Variants in NKAIN3 observed in about 807,000 individuals in gnomAD.
The protein encoded by NKAIN3 is sodium/potassium-transporting ATPase subunit beta-1-interacting protein 3.
In NKAIN3, 25 loss-of-function variants were observed where a neutral mutation model predicts 30.2. The ratio of observed to expected loss-of-function variants is 0.83; its 90% confidence interval spans 0.60 to 1.16. NKAIN3 has a LOEUF of 1.16. Ranked by LOEUF, NKAIN3 falls within the 50% of genes most tolerant of loss-of-function variation. The pLI is 0.00. For missense variants in NKAIN3, 225 were observed against 254.1 expected, an observed-to-expected ratio of 0.89 and a Z score of 0.78; for synonymous variants, 91 against 89.6, an observed-to-expected ratio of 1.02 and a Z score of -0.09.
chr8:62,526,306 C>G (rs1808303355), intron 1 of NKAIN3, among the ~76,000 whole-genome samples: 1 of 152,088 alleles, frequency 6.6e-6, no homozygotes, highest in Non-Finnish European at 1.5e-5. Flanking sequence ...AAAACCAGTT[C>G]AGCTGAAAGA....
At chr8:62,940,908 A>G (rs1822937769) in intron 5 of NKAIN3, among the ~76,000 whole-genome samples, 2 of 151,916 alleles carry the variant, frequency 1.3e-5, no homozygotes, top group African/African-American at 2.4e-5. Flanking sequence ...AGAAATAACA[A>G]TGATCAGAGC....
At chr8:62,836,297 C>T (rs566216462) in intron 4 of NKAIN3, among the ~76,000 whole-genome samples, 1 of 152,112 alleles carries the variant, frequency 6.6e-6, no homozygotes, top group Admixed American at 6.6e-5. Flanking sequence ...TTCAACAAAC[C>T]TGCACATATA....
intron 1 of NKAIN3, among the ~76,000 whole-genome samples, chr8:62,568,383 T>C (rs1809821908): frequency 6.6e-6 from 1 of 152,210 alleles, no homozygotes; most frequent in Admixed American, 6.5e-5. Flanking sequence ...AATATTGTCA[T>C]ATACATAGTA....
At chr8:62,518,389 C>A (rs1177526242) in intron 1 of NKAIN3, among the ~76,000 whole-genome samples, 2 of 152,006 alleles carry the variant, frequency 1.3e-5, no homozygotes, top group East Asian at 3.9e-4. Context: ...CCAGTTGATT[C>A]CATCAATCAT....
chr8:62,640,380 G>A (rs1383202912), intron 3 of NKAIN3, among the ~76,000 whole-genome samples: 1 of 152,064 alleles, frequency 6.6e-6, no homozygotes, highest in African/African-American at 2.4e-5. Context: ...CTGCCGCCAT[G>A]TAAGACGTGT....
chr8:62,622,996 A>G lies in NKAIN3; in HGVS notation c.273+33202A>G, dbSNP rs144614919. Among the ~76,000 whole-genome samples the G allele has an allele frequency of 1.5e-3, 228 of 151,978 alleles. 1 individual carries two copies. Among genetic ancestry groups the G allele is most frequent in the African/African-American group, 5.2e-3 (218 of 41,550 alleles). On this transcript the variant is annotated intron_variant, in intron 3 of 6. Transcript: ENST00000623646. ...AAATTAATATGTTCACAAGGGAAGA[A>G]CGTTATGTGTGTGGTGTGTGTGTGA...
At chr8:62,825,518 A>G (rs529847599) in intron 4 of NKAIN3, among the ~76,000 whole-genome samples, 1 of 152,278 alleles carries the variant, frequency 6.6e-6, no homozygotes, top group Non-Finnish European at 1.5e-5. Context: ...AATGGCTTTG[A>G]CAATTTGTGT....
At chr8:62,460,053 G>A (rs959876483) in intron 1 of NKAIN3, among the ~76,000 whole-genome samples, 11 of 152,186 alleles carry the variant, frequency 7.2e-5, no homozygotes, top group African/African-American at 2.2e-4. Flanking sequence ...TTAAGAGAAT[G>A]TGGTGGGACG....
At chr8:62,631,687 C>T (rs1162324348) in intron 3 of NKAIN3, among the ~76,000 whole-genome samples, 1 of 152,154 alleles carries the variant, frequency 6.6e-6, no homozygotes, top group Admixed American at 6.6e-5. Context: ...TGTTCTTTCA[C>T]ATCTCCAGAA....
At chr8:62,410,454 T>C (rs1351148820) in intron 1 of NKAIN3, among the ~76,000 whole-genome samples, 2 of 152,160 alleles carry the variant, frequency 1.3e-5, no homozygotes, top group African/African-American at 4.8e-5. Flanking sequence ...TAATGATCTA[T>C]TTTCCTTTAT....
At position 62,433,268 on chromosome 8, in the gene NKAIN3, T is replaced by C. The variant is rs567883313; in HGVS notation, c.55-146271T>C. 5.3e-5 allele frequency among the ~76,000 whole-genome samples: 8 copies of C among 152,216 alleles called. No individual in the cohort carries two copies. The East Asian group carries it at 5.8e-4, about 11-fold the overall frequency. ...GAAGCATCAATTCTTACTAAGTTTA[T>C]TACCTCAAGTTATTATCAATCTTGT... is the stretch of plus-strand genomic sequence containing the variant. On this transcript the variant is annotated intron_variant, in intron 1 of 6. Coordinates refer to ENST00000623646, the MANE Select transcript of NKAIN3 (RefSeq NM_001304533.3).
chr8:62,884,869 T>C (rs775645344), intron 4 of NKAIN3, among the ~76,000 whole-genome samples: 19 of 152,168 alleles, frequency 1.2e-4, no homozygotes, highest in Admixed American at 2.6e-4. Context: ...TCCCTTTTTT[T>C]CTTAGCCTGG....
chr8:62,868,198 AC>A (rs1744272314), intron 4 of NKAIN3, among the ~76,000 whole-genome samples: 1 of 152,218 alleles, frequency 6.6e-6, no homozygotes. Context: ...AATTATGAAC[AC>A]TTGAGCTTTA....
chr8:62,832,258 G>GACAC lies in NKAIN3; in HGVS notation c.471+85172_471+85175dup, dbSNP rs57632946. Among the ~76,000 whole-genome samples, 576 of 132,668 alleles carry GACAC rather than the reference G, an allele frequency of 4.3e-3. 5 individuals carry two copies. The highest frequency in any genetic ancestry group is 7.7e-3 in the African/African-American group (277 of 35,916). 87.0% of individuals were successfully genotyped at this position (132,668 alleles called of 152,430 possible). ...GAACAATACCTGGTATGACCAAACA[G>GACAC]ACACACACACACACACACACACACA... On this transcript the variant is annotated intron_variant, in intron 4 of 6. Transcript: ENST00000623646.
At position 62,312,325 on chromosome 8, in the gene NKAIN3, A is replaced by C. The variant is rs546057948; in HGVS notation, c.54+63198A>C. On this transcript the variant is annotated intron_variant, in intron 1 of 6. Transcript: ENST00000623646. ...ATTCTTTTGGATGTCAGTCACATAA[A>C]AATTAGGGTTTGGAAGAAAATATTA... Among the ~76,000 whole-genome samples the C allele has an allele frequency of 3.5e-4, 53 of 150,742 alleles. 4 individuals carry two copies. Among genetic ancestry groups the C allele is most frequent in the African/African-American group, 1.2e-3 (49 of 40,066 alleles).
At chr8:62,958,099 G>T (rs9298070) in intron 6 of NKAIN3, among the ~76,000 whole-genome samples, 102,066 of 152,128 alleles carry the variant, frequency 0.67, 35,185 homozygotes, top group African/African-American at 0.83. Flanking sequence ...GAGGCTGATT[G>T]GCTTGGCCGT....
chr8:62,251,379 A>T (rs986594933), intron 1 of NKAIN3, among the ~76,000 whole-genome samples: 8 of 152,258 alleles, frequency 5.3e-5, no homozygotes, highest in Non-Finnish European at 1.0e-4. Context: ...CAATAGTAAA[A>T]TATGTAATAG....
intron 1 of NKAIN3, among the ~76,000 whole-genome samples, chr8:62,301,017 T>C (rs2129587942): frequency 6.6e-6 from 1 of 152,196 alleles, no homozygotes; most frequent in African/African-American, 2.4e-5. Flanking sequence ...CAGAAGACTA[T>C]CAAATCTTCT....
chr8:62,264,966 T>C (rs1264629548), intron 1 of NKAIN3, among the ~76,000 whole-genome samples: 3 of 152,300 alleles, frequency 2.0e-5, no homozygotes, highest in African/African-American at 7.2e-5. Flanking sequence ...TCCACCCATA[T>C]GGCTGAGAAA....
Sources: gnomAD v4.1 joint callset for allele counts (sites outside exome capture counted in the v4.1 genomes callset) on GRCh38, gnomAD v4.1.1 for gene constraint, MANE v1.5 for transcripts, NCBI Gene and HGNC (gene_info 2026-07-23, HGNC 2026-07-21) for gene names.